CYP19A1: variants seen among roughly 807,000 people sequenced by gnomAD.
CYP19A1 encodes cytochrome P450 family 19 subfamily A member 1.
A neutral mutation model predicts 44.4 loss-of-function variants in CYP19A1; 32 were observed. The observed-to-expected ratio is 0.72, with a 90% confidence interval of 0.54 to 0.97. The LOEUF is 0.97. Ranked by LOEUF, CYP19A1 falls within the 50% of genes least tolerant of loss-of-function variation. The pLI is 0.00. For synonymous variants in CYP19A1, 212 were observed against 215.6 expected (o/e 0.98, Z 0.14); for missense variants, 598 against 637.8 (o/e 0.94, Z 0.67).
chr15:51,337,374 A>ATGT (rs1716331503), intron 1 of CYP19A1, among the ~76,000 whole-genome samples: 1 of 152,226 alleles, frequency 6.6e-6, no homozygotes, highest in South Asian at 2.1e-4. Flanking sequence ...ATCCAACAAT[A>ATGT]CCAACCCGTG....
chr15:51,287,347 C>T (rs2035728855), intron 1 of CYP19A1, among the ~76,000 whole-genome samples: 1 of 152,170 alleles, frequency 6.6e-6, no homozygotes, highest in African/African-American at 2.4e-5. Flanking sequence ...ACAGGCATTA[C>T]TAACGCAATG....
At chr15:51,222,287 C>T (rs774796515) in intron 5 of CYP19A1, 62 bp downstream of exon 5, 60 of 1,612,992 alleles carry the variant, frequency 3.7e-5, no homozygotes, top group Non-Finnish European at 4.9e-5. Flanking sequence ...TCTGTTATCC[C>T]TCCTAGCTCC....
At chr15:51,245,438 C>T (rs1326827442) in intron 1 of CYP19A1, among the ~76,000 whole-genome samples, 2 of 151,984 alleles carry the variant, frequency 1.3e-5, no homozygotes, top group Non-Finnish European at 2.9e-5. Flanking sequence ...TGTGCTGCAC[C>T]CACTAACTCG....
chr15:51,270,021 G>C (rs1258637450), intron 1 of CYP19A1, among the ~76,000 whole-genome samples: 12 of 148,958 alleles, frequency 8.1e-5, no homozygotes, highest in Non-Finnish European at 1.8e-4. Context: ...AATTTTAAAT[G>C]GAAGTTTACT....
intron 1 of CYP19A1, among the ~76,000 whole-genome samples, chr15:51,298,430 A>T (rs2036043772): frequency 6.6e-6 from 1 of 152,232 alleles, no homozygotes; most frequent in South Asian, 2.1e-4. Context: ...CATTCTACTG[A>T]TCTTTGTGGA....
At chr15:51,240,076 C>A (rs1480624319) in intron 2 of CYP19A1, among the ~76,000 whole-genome samples, 2 of 640 alleles carry the variant, frequency 3.1e-3, no homozygotes, top group Non-Finnish European at 7.4e-3. Context: ...GGCCACTCCC[C>A]CTTCTCCGCA....
chr15:51,233,085 G>A (rs1277745323), intron 3 of CYP19A1, among the ~76,000 whole-genome samples: 1 of 152,140 alleles, frequency 6.6e-6, no homozygotes, highest in Non-Finnish European at 1.5e-5. Flanking sequence ...TGGGCTACTT[G>A]CTCATTTCCT....
chr15:51,236,037 C>T (rs1327138220), intron 3 of CYP19A1, among the ~76,000 whole-genome samples: 1 of 152,170 alleles, frequency 6.6e-6, no homozygotes, highest in East Asian at 1.9e-4. Context: ...TCCTTATAGT[C>T]AATTCCTATT....
intron 1 of CYP19A1, among the ~76,000 whole-genome samples, chr15:51,326,631 T>C (rs2036612405): frequency 6.6e-6 from 1 of 152,212 alleles, no homozygotes; most frequent in Non-Finnish European, 1.5e-5. Flanking sequence ...AATTACAAGT[T>C]ATGGAATAGA....
intron 1 of CYP19A1, among the ~76,000 whole-genome samples, chr15:51,331,626 AG>A (rs1043892067): frequency 6.6e-6 from 1 of 151,994 alleles, no homozygotes; most frequent in African/African-American, 2.4e-5. Flanking sequence ...GGGCGAGTTC[AG>A]GGGGGCGCGA....
intron 1 of CYP19A1, among the ~76,000 whole-genome samples, chr15:51,297,084 C>G (rs2036010093): frequency 6.6e-6 from 1 of 152,228 alleles, no homozygotes; most frequent in Non-Finnish European, 1.5e-5. Context: ...GTCCATCTCT[C>G]TCCAGAGACA....
rs1175878042 is a variant in CYP19A1 at position 51,237,021 on chromosome 15, G to A, written c.146-12C>T. 3 of 1,614,012 alleles carry A rather than the reference G, an allele frequency of 1.9e-6. No individual in the cohort carries two copies. The highest frequency in any genetic ancestry group is 1.7e-6 in the Non-Finnish European group (2 of 1,179,986). ...GCAGTAGCCAGGACCTAGGACAGGTGTCAGAGCATAAGCAACATCTTAGTT... is the reference window on the plus strand; with the variant it reads ...GCAGTAGCCAGGACCTAGGACAGGTATCAGAGCATAAGCAACATCTTAGTT... On this transcript the variant is annotated splice_polypyrimidine_tract_variant and intron_variant, in intron 2 of 9. Coordinates refer to ENST00000396402, the MANE Select transcript of CYP19A1 (RefSeq NM_000103.4).
At chr15:51,329,951 GC>G in intron 1 of CYP19A1, among the ~76,000 whole-genome samples, 1 of 152,312 alleles carries the variant, frequency 6.6e-6, no homozygotes, top group Admixed American at 6.5e-5. Flanking sequence ...GGAGCAGCTA[GC>G]CCTCCCTGGG....
At chr15:51,273,109 G>C (rs999440683) in intron 1 of CYP19A1, among the ~76,000 whole-genome samples, 1 of 152,032 alleles carries the variant, frequency 6.6e-6, no homozygotes, top group Non-Finnish European at 1.5e-5. Flanking sequence ...ACAGGTGCAC[G>C]TTACCACACC....
intron 1 of CYP19A1, among the ~76,000 whole-genome samples, chr15:51,272,357 C>G (rs2035158829): frequency 6.6e-6 from 1 of 152,192 alleles, no homozygotes; most frequent in African/African-American, 2.4e-5. Context: ...AGACAAGGAT[C>G]ATGTCTTATT....
At chr15:51,295,142 T>G (rs901636552) in intron 1 of CYP19A1, among the ~76,000 whole-genome samples, 42 of 144,892 alleles carry the variant, frequency 2.9e-4, no homozygotes, top group African/African-American at 9.8e-4. Flanking sequence ...ACGTGTTTTT[T>G]TTTTTTTTTT....
At position 51,277,965 on chromosome 15, in the gene CYP19A1, T is replaced by G. The variant is rs559379340; in HGVS notation, c.-38-35015A>C. On this transcript the variant is annotated intron_variant, in intron 1 of 9. Coordinates refer to ENST00000396402, the MANE Select transcript of CYP19A1 (RefSeq NM_000103.4). Reference sequence around the variant, plus strand: ...CAATAGTTGCATGAGTTTTTTTTTTTTTTTTTTTTTTCCCCAGGAAAATGT... The same window carrying G: ...CAATAGTTGCATGAGTTTTTTTTTTGTTTTTTTTTTTCCCCAGGAAAATGT... The G allele has an allele frequency of 6.7e-5, 10 of 149,640 alleles. No individual in the cohort carries two copies. In the East Asian group the frequency reaches 1.2e-3, roughly 17 times the overall value. 9.3% of individuals were successfully genotyped at this position (149,640 alleles called of 1,614,324 possible).
chr15:51,242,528 C>T (rs1309923693), intron 2 of CYP19A1, among the ~76,000 whole-genome samples: 1 of 152,022 alleles, frequency 6.6e-6, no homozygotes, highest in Admixed American at 6.5e-5. Context: ...GTCTACTTTA[C>T]GAAAGCACAG....
chr15:51,214,117 CA>C (rs1752218190), intron 8 of CYP19A1, among the ~76,000 whole-genome samples: 1 of 152,178 alleles, frequency 6.6e-6, no homozygotes, highest in Non-Finnish European at 1.5e-5. Context: ...TGCCCTTCTA[CA>C]ACCAAATAAC....
Sources: allele counts gnomAD v4.1 joint callset (sites outside exome capture counted in the v4.1 genomes callset), GRCh38; gene constraint gnomAD v4.1.1; transcripts MANE v1.5; gene names NCBI Gene and HGNC (gene_info 2026-07-23, HGNC 2026-07-21).